Variants in SLC44A2 observed in about 807,000 individuals in gnomAD.
The protein encoded by SLC44A2 is solute carrier family 44 member 2 (CTL2 blood group), also known as choline transporter-like protein 2.
SLC44A2 carries 57 observed loss-of-function variants against 90.8 expected under a neutral mutation model. The observed-to-expected ratio is 0.63, with a 90% CI of 0.51 to 0.78. SLC44A2 has a LOEUF of 0.78. Ranked by LOEUF, SLC44A2 falls within the 30% of genes least tolerant of loss-of-function variation. The pLI, the probability that SLC44A2 is intolerant of heterozygous loss-of-function variation, is 0.00. For synonymous variants in SLC44A2, 355 were observed against 360.7 expected, an observed-to-expected ratio of 0.98 and a Z score of 0.18; for missense variants, 794 against 919.7, an observed-to-expected ratio of 0.86 and a Z score of 1.77.
chr19:10,633,180 G>A (rs1183923092), intron 10 of SLC44A2, among the ~76,000 whole-genome samples: 1 of 151,128 alleles, frequency 6.6e-6, no homozygotes, highest in African/African-American at 2.4e-5. Flanking sequence ...TGTTGTTGTT[G>A]TTGAGACGGA....
At position 10,638,046 on chromosome 19, in the gene SLC44A2, C is replaced by T. The variant is rs1175751153; in HGVS notation, c.1793C>T (p.Thr598Ile). The T allele has an allele frequency of 1.2e-6, 2 of 1,614,094 alleles. No homozygotes were observed. The highest frequency in any genetic ancestry group is 2.2e-5 in the South Asian group (2 of 91,068). ...AGAGTGGCTGTCCTGGATAAAGTTA[C>T]TGACTTCCTCTTCCTGTTGGGCAAA... ...IIRVAVLDKV[T>I]DFLFLLGKLL... The change falls in exon 19 of 22, where the codon ACT becomes ATT. Residue 598 changes from threonine (T) to isoleucine (I), a missense_variant. Physicochemically the swap from Thr to Ile is moderately conservative, Grantham distance 89. Around this residue, in one of 3 missense-constraint regions of SLC44A2, gnomAD observed 738 missense variants for 841.1 expected, o/e 0.88. Coordinates refer to ENST00000335757, the MANE Select transcript of SLC44A2 (RefSeq NM_020428.4).
chr19:10,641,496 G>A (rs988633673), intron 20 of SLC44A2: 8 of 425,118 alleles, frequency 1.9e-5, no homozygotes, highest in African/African-American at 2.1e-5. Flanking sequence ...GCAGAAGGTC[G>A]ATGGGGCATA....
chr19:10,642,626 G>A (rs1279603056), intron 21 of SLC44A2, among the ~76,000 whole-genome samples, 175 bp downstream of exon 21: 1 of 152,108 alleles, frequency 6.6e-6, no homozygotes, highest in African/African-American at 2.4e-5. Flanking sequence ...GCGCTTAGAA[G>A]CAGCTCCGAC....
intron 21 of SLC44A2, chr19:10,642,812 G>T: frequency 7.6e-6 from 11 of 1,454,724 alleles, no homozygotes; most frequent in Non-Finnish European, 9.1e-6. Flanking sequence ...ATGCCTGCTG[G>T]CTTCCCTGTT....
intron 1 of SLC44A2, chr19:10,602,626 G>T: frequency 4.1e-6 from 5 of 1,230,396 alleles, no homozygotes; most frequent in Non-Finnish European, 5.1e-6. Flanking sequence ...CTTGAGCCAG[G>T]GGGACATCTG....
rs374017907 is a variant in SLC44A2, at chr19:10,631,760, T to G, written c.626+11T>G. 24 of 1,613,778 alleles carry G rather than the reference T, an allele frequency of 1.5e-5. No individual in the cohort carries two copies. The African/African-American group carries it at 3.1e-4, about 21-fold the overall frequency. The stretch of plus-strand genomic sequence containing the variant: ...GGTGGAGGGCGCCAAGTGAGGATAT[T>G]GGCGCACCGCGCCAGGGTCTCACTT... On this transcript the variant is annotated intron_variant, in intron 8 of 21. Transcript: ENST00000335757.
chr19:10,614,799 C>T (rs575683756), intron 1 of SLC44A2, among the ~76,000 whole-genome samples: 95 of 151,588 alleles, frequency 6.3e-4, no homozygotes, highest in African/African-American at 2.1e-3. Context: ...GGTGAAACCA[C>T]GTCTCTATTA....
chr19:10,607,888 G>C (rs921731774), intron 1 of SLC44A2, among the ~76,000 whole-genome samples: 71 of 149,918 alleles, frequency 4.7e-4, no homozygotes, highest in Non-Finnish European at 1.0e-3. Context: ...TGGGACTACA[G>C]GCGCCCGCCA....
At chr19:10,609,215 C>T (rs1481846223) in intron 1 of SLC44A2, among the ~76,000 whole-genome samples, 2 of 152,132 alleles carry the variant, frequency 1.3e-5, no homozygotes, top group Non-Finnish European at 2.9e-5. Context: ...CTTGGCCTCC[C>T]AAAGTGCTGA....
chr19:10,623,213 G>A (rs1444056625), upstream of SLC44A2, among the ~76,000 whole-genome samples: 1 of 152,064 alleles, frequency 6.6e-6, no homozygotes, highest in Non-Finnish European at 1.5e-5. Context: ...AGGAGTCTGG[G>A]TCACCCCAGG....
upstream of SLC44A2, among the ~76,000 whole-genome samples, chr19:10,622,368 G>A (rs188158334): frequency 6.6e-6 from 1 of 152,200 alleles, no homozygotes; most frequent in East Asian, 1.9e-4. Flanking sequence ...GCAGAGCAGG[G>A]ATGTGTCCTG....
chr19:10,633,871 C>T (rs1047961028), intron 10 of SLC44A2, among the ~76,000 whole-genome samples: 3 of 151,920 alleles, frequency 2.0e-5, no homozygotes, highest in African/African-American at 7.3e-5. Context: ...GGTGCGGTGG[C>T]GCACGCCTGT....
At chr19:10,610,663 G>A (rs1918272596) in intron 1 of SLC44A2, among the ~76,000 whole-genome samples, 1 of 71,274 alleles carries the variant, frequency 1.4e-5, no homozygotes, top group Non-Finnish European at 2.5e-5. Flanking sequence ...TTTTGAGATG[G>A]AGTTTCACTC....
In SLC44A2 at chr19:10,643,295, G is replaced by A; in HGVS notation, c.2031G>A (p.Arg677=). 4.3e-6 allele frequency: 7 copies of A among 1,611,926 alleles called. No homozygotes were observed. The highest frequency in any genetic ancestry group is 5.9e-6 in the Non-Finnish European group (7 of 1,178,906). The change falls in exon 22 of 22, where the codon AGG becomes AGA. Residue 677 remains arginine, a synonymous_variant. Coordinates refer to ENST00000335757, the MANE Select transcript of SLC44A2 (RefSeq NM_020428.4). The part of the protein sequence containing the change: ...LFLCFLEDLE[R]NDGSAERPYF... ...TCTCCACAGTGGAGGACCTGGAGAG[G>A]AATGACGGCTCGGCCGAGAGGCCTT...
At chr19:10,633,705 C>A (rs2067021382) in intron 10 of SLC44A2, among the ~76,000 whole-genome samples, 1 of 152,146 alleles carries the variant, frequency 6.6e-6, no homozygotes, top group African/African-American at 2.4e-5. Context: ...AGTCCTCCCG[C>A]CTTGGCCTCC....
In SLC44A2 at chr19:10,637,864, C is replaced by T; in HGVS notation, c.1704C>T (p.Ile568=). 1.9e-6 allele frequency: 3 copies of T among 1,614,192 alleles called. No homozygotes were observed. Among genetic ancestry groups the T allele is most frequent in the South Asian group, 2.2e-5 (2 of 91,086 alleles). ...LNRNAYIMIA[I]YGTNFCTSAR... ...CTCCCACTCTCCTCCAGATTGCCATCTACGGCACCAATTTCTGCACCTCGG... is the reference window on the plus strand; with the variant it reads ...CTCCCACTCTCCTCCAGATTGCCATTTACGGCACCAATTTCTGCACCTCGG... The change falls in exon 18 of 22, where the codon ATC becomes ATT. Residue 568 remains isoleucine (I), a synonymous_variant. Coordinates refer to ENST00000335757, the MANE Select transcript of SLC44A2 (RefSeq NM_020428.4).
rs117224387 is a variant in SLC44A2, at chr19:10,631,764, G to T, written c.626+15G>T. 1.8e-3 allele frequency: 2,877 copies of T among 1,613,904 alleles called. 28 individuals carry two copies. In the East Asian group the frequency reaches 0.026, roughly 15 times the overall value. On this transcript the variant is annotated intron_variant, in intron 8 of 21. Coordinates refer to ENST00000335757, the MANE Select transcript of SLC44A2 (RefSeq NM_020428.4). ...GAGGGCGCCAAGTGAGGATATTGGC[G>T]CACCGCGCCAGGGTCTCACTTTGCT...
At chr19:10,642,688 C>G (rs1002663031) in intron 21 of SLC44A2, among the ~76,000 whole-genome samples, 1 of 152,168 alleles carries the variant, frequency 6.6e-6, no homozygotes, top group Non-Finnish European at 1.5e-5. Context: ...GGAGCCCGCC[C>G]GCGCTTCGCA....
chr19:10,642,361 G>A lies in SLC44A2; in HGVS notation c.1930-6G>A. ...GAGCAGGGACAGCTCGTTTCTCCTTGCCCAGACGGTGATCGTTGGCTCCTA... is the reference window on the plus strand; with the variant it reads ...GAGCAGGGACAGCTCGTTTCTCCTTACCCAGACGGTGATCGTTGGCTCCTA... On this transcript the variant is annotated splice_polypyrimidine_tract_variant and splice_region_variant and intron_variant, in intron 20 of 21. Coordinates refer to ENST00000335757, the MANE Select transcript of SLC44A2 (RefSeq NM_020428.4). 6.2e-7 allele frequency: 1 copy of A among 1,613,932 alleles called. No homozygotes were observed. The highest frequency in any genetic ancestry group is 1.1e-5 in the South Asian group (1 of 91,084).
Sources: gnomAD v4.1 joint callset for allele counts (sites outside exome capture counted in the v4.1 genomes callset) on GRCh38, gnomAD v4.1.1 for gene constraint, gnomAD v4.1.1 regional missense constraint, MANE v1.5 for transcripts, NCBI Gene and HGNC (gene_info 2026-07-23, HGNC 2026-07-21) for gene names.